DYNC1I2: variants seen among roughly 807,000 people sequenced by gnomAD.
DYNC1I2 encodes the protein dynein cytoplasmic 1 intermediate chain 2, also known as cytoplasmic dynein 1 intermediate chain 2.
A neutral mutation model predicts 88.6 loss-of-function variants in DYNC1I2; 53 were observed. The observed-to-expected ratio is 0.60, with a 90% CI of 0.48 to 0.75. DYNC1I2 has a LOEUF of 0.75. Ranked by LOEUF, DYNC1I2 falls within the 30% of genes least tolerant of loss-of-function variation. The pLI, the probability that DYNC1I2 is intolerant of heterozygous loss-of-function variation, is 0.00. For missense variants in DYNC1I2, 458 were observed against 766.6 expected (o/e 0.60, Z 4.75); for synonymous variants, 198 against 254.6 (o/e 0.78, Z 2.12).
intron 5 of DYNC1I2, among the ~76,000 whole-genome samples, chr2:171,708,512 G>A (rs543834196): frequency 6.6e-6 from 1 of 152,048 alleles, no homozygotes; most frequent in Admixed American, 6.6e-5. Context: ...GGAGGAAAAT[G>A]ACATAACTCT....
At chr2:171,734,552 C>T (rs570695898) in intron 15 of DYNC1I2, among the ~76,000 whole-genome samples, 1 of 152,262 alleles carries the variant, frequency 6.6e-6, no homozygotes, top group South Asian at 2.1e-4. Context: ...TGCCTCTCAC[C>T]CTGCCCCCAA....
In DYNC1I2 at chr2:171,726,300, TA is replaced by T; in HGVS notation, c.870+8del. ...TTTGGATTGGTCATCTCAGGTAAAATATAACAAAATAGGCCGCTCTTAACTC... is the reference window on the plus strand; with the variant it reads ...TTTGGATTGGTCATCTCAGGTAAAATTAACAAAATAGGCCGCTCTTAACTC... On this transcript the variant is annotated splice_region_variant and intron_variant, in intron 10 of 17. Coordinates refer to ENST00000397119, the MANE Select transcript of DYNC1I2 (RefSeq NM_001378.3). The T allele has an allele frequency of 6.3e-7, 1 of 1,587,506 alleles. No homozygotes were observed. The highest frequency in any genetic ancestry group is 1.3e-5 in the African/African-American group (1 of 74,130).
rs966483420 is a variant in DYNC1I2 at position 171,749,441 on chromosome 2, T to C, written c.*1552T>C. 2.0e-5 allele frequency among the ~76,000 whole-genome samples: 3 copies of C among 152,140 alleles called. No individual in the cohort carries two copies. The highest frequency in any genetic ancestry group is 4.4e-5 in the Non-Finnish European group (3 of 67,982). On this transcript the variant is annotated 3_prime_UTR_variant, in exon 18 of 18. Transcript: ENST00000397119. ...ATACCAAAGACAATATCTCAAGTTA[T>C]CTCATTGTAGCAGTGTCTGTGAGTC...
intron 16 of DYNC1I2, among the ~76,000 whole-genome samples, chr2:171,744,922 C>T (rs889673273): frequency 6.6e-6 from 1 of 152,166 alleles, no homozygotes. Flanking sequence ...TCTCCCACAT[C>T]TCTTCCTAGT....
At chr2:171,718,698 G>A (rs1028793146) in intron 7 of DYNC1I2, among the ~76,000 whole-genome samples, 2 of 152,188 alleles carry the variant, frequency 1.3e-5, no homozygotes, top group African/African-American at 4.8e-5. Context: ...CTCCCAAAGT[G>A]CTGGGATTAC....
At position 171,690,229 on chromosome 2, in the gene DYNC1I2, A is replaced by G; in HGVS notation, c.74A>G (p.Lys25Arg). Residue 25 changes from lysine (K) to arginine (R), a missense_variant, in exon 2 of 18, where the codon AAG (lysine) becomes AGG (arginine). Lys to Arg is a conservative substitution (Grantham distance 26). Around this residue, in one of 5 missense-constraint regions of DYNC1I2, gnomAD observed 10 missense variants for 34.1 expected, o/e 0.29. Coordinates refer to ENST00000397119, the MANE Select transcript of DYNC1I2 (RefSeq NM_001378.3). ...CGACTGGCCCAAATCAGAGAGGAAA[A>G]GAAGAGAAAAGAAGAAGAAAGGAAA... The part of the protein sequence containing the change: ...KQRLAQIREE[K>R]KRKEEERKKK... 9 of 1,549,226 alleles carry G rather than the reference A, an allele frequency of 5.8e-6. No individual in the cohort carries two copies. The highest frequency in any genetic ancestry group is 7.9e-6 in the Non-Finnish European group (9 of 1,146,364).
In DYNC1I2 at chr2:171,746,003, C is replaced by G. The variant is rs16859807; in HGVS notation, c.1803+76C>G. The G allele has an allele frequency of 4.2e-3, 6,497 of 1,543,840 alleles. 123 individuals are homozygous for G. In the African/African-American group the frequency reaches 0.054, roughly 13 times the overall value. ...AGTAAAGGCATCTTTGTGGCTAACC[C>G]TAGGCTTTGAGGTTTATGAGTTGTT... On this transcript the variant is annotated intron_variant, in intron 17 of 17. Coordinates refer to ENST00000397119, the MANE Select transcript of DYNC1I2 (RefSeq NM_001378.3).
At position 171,744,059 on chromosome 2, in the gene DYNC1I2, C is replaced by T. The variant is rs1413124239; in HGVS notation, c.1547C>T (p.Pro516Leu). The stretch of plus-strand genomic sequence containing the variant: ...ACTTTTCTCTTTCAGAATAACAAGC[C>T]TTTGTATTCATTTGAAGATAATGCA... ...VKLWTTKNNK[P>L]LYSFEDNADY... The change falls in exon 16 of 18, where the codon CCT becomes CTT. Residue 516 changes from proline (P) to leucine (L), a missense_variant. Transcript: ENST00000397119. The T allele has an allele frequency of 6.2e-7, 1 of 1,609,486 alleles. No individual in the cohort carries two copies. The highest frequency in any genetic ancestry group is 2.2e-5 in the East Asian group (1 of 44,786).
chr2:171,712,863 T>A, intron 6 of DYNC1I2, 37 bp downstream of exon 6: 1 of 1,537,796 alleles, frequency 6.5e-7, no homozygotes, highest in Non-Finnish European at 9.0e-7. Flanking sequence ...TGTTTTATAA[T>A]GAATTTGATT....
intron 3 of DYNC1I2, among the ~76,000 whole-genome samples, chr2:171,705,805 A>G (rs1686637960): frequency 1.3e-5 from 2 of 152,102 alleles, no homozygotes; most frequent in Non-Finnish European, 2.9e-5. Context: ...CTGGTCTTAT[A>G]GTTGTTTCTG....
intron 7 of DYNC1I2, 67 bp from the exon 8 acceptor site, chr2:171,725,551 C>T (rs1238179869): frequency 2.3e-5 from 24 of 1,045,206 alleles, no homozygotes; most frequent in Non-Finnish European, 3.1e-5. Context: ...CAGCTATTTT[C>T]ATTAAAATAA....
At chr2:171,729,215 G>A (rs1688447380) in intron 14 of DYNC1I2, among the ~76,000 whole-genome samples, 1 of 152,004 alleles carries the variant, frequency 6.6e-6, no homozygotes, top group African/African-American at 2.4e-5. Flanking sequence ...TTAAGCATTA[G>A]TTCATTCTCC....
intron 16 of DYNC1I2, among the ~76,000 whole-genome samples, chr2:171,744,836 A>G (rs1003342814): frequency 6.6e-6 from 1 of 152,134 alleles, no homozygotes; most frequent in South Asian, 2.1e-4. Flanking sequence ...TTAGAATTCT[A>G]TTCTATATTG....
At chr2:171,714,526 A>G (rs1395714264) in intron 6 of DYNC1I2, among the ~76,000 whole-genome samples, 1 of 152,144 alleles carries the variant, frequency 6.6e-6, no homozygotes, top group Non-Finnish European at 1.5e-5. Context: ...TTAGGATTTA[A>G]ACATCTAATA....
rs201468050 is a variant in DYNC1I2, at chr2:171,747,908, T to C, written c.*19T>C. 2.6e-4 allele frequency: 394 copies of C among 1,527,410 alleles called. 1 individual carries two copies. The East Asian group carries it at 7.6e-3, about 29-fold the overall frequency. 94.6% of individuals were successfully genotyped at this position (1,527,410 alleles called of 1,614,324 possible). ...TGCTTAGTTCCTGAAAAGGGGAGTGTAACTAGTGGATTTGGGAAAGGTTCT... is the reference window on the plus strand; with the variant it reads ...TGCTTAGTTCCTGAAAAGGGGAGTGCAACTAGTGGATTTGGGAAAGGTTCT... On this transcript the variant is annotated 3_prime_UTR_variant, in exon 18 of 18. Transcript: ENST00000397119.
intron 5 of DYNC1I2, among the ~76,000 whole-genome samples, chr2:171,711,203 G>A (rs312919): frequency 0.29 from 43,875 of 151,700 alleles, 6,659 homozygotes; most frequent in African/African-American, 0.38. Flanking sequence ...GGGTTTCATC[G>A]CGTTGGCCAG....
At chr2:171,728,148 C>G (rs1049265849) in intron 12 of DYNC1I2, among the ~76,000 whole-genome samples, 157 bp from the exon 13 acceptor site, 20 of 151,884 alleles carry the variant, frequency 1.3e-4, no homozygotes, top group African/African-American at 4.1e-4. Flanking sequence ...AAACTCATCT[C>G]TCTTCTGCGA....
intron 12 of DYNC1I2, 122 bp from the exon 13 acceptor site, chr2:171,728,183 C>G: frequency 1.4e-6 from 1 of 718,366 alleles, no homozygotes; most frequent in Admixed American, 3.5e-5. Flanking sequence ...TAGCAAACTT[C>G]ACATTAAGAA....
chr2:171,734,781 T>C (rs1011841082), intron 15 of DYNC1I2, among the ~76,000 whole-genome samples: 1 of 152,242 alleles, frequency 6.6e-6, no homozygotes. Flanking sequence ...CAATTTACAC[T>C]TCCTGGTTAA....
Sources: gnomAD v4.1 joint callset for allele counts (sites outside exome capture counted in the v4.1 genomes callset) on GRCh38, gnomAD v4.1.1 for gene constraint, gnomAD v4.1.1 regional missense constraint, MANE v1.5 for transcripts, NCBI Gene and HGNC (gene_info 2026-07-23, HGNC 2026-07-21) for gene names.